ERBB4: variants seen among roughly 807,000 people sequenced by gnomAD.
The protein encoded by ERBB4 is receptor tyrosine-protein kinase erbB-4.
Under a neutral mutation model 158.0 loss-of-function variants are expected in ERBB4, and 42 were observed. The observed-to-expected ratio is 0.27, with a 90% CI of 0.21 to 0.34. The LOEUF is 0.34. Among genes scored for constraint, ERBB4 ranks in the 10% least tolerant of loss-of-function variants. The pLI is 1.00. For synonymous variants in ERBB4, 583 were observed against 558.7 expected, an observed-to-expected ratio of 1.04 and a Z score of -0.61; for missense variants, 1,333 against 1,624.1, an observed-to-expected ratio of 0.82 and a Z score of 3.08.
chr2:211,401,528 C>T (rs952646268), intron 25 of ERBB4, among the ~76,000 whole-genome samples: 1 of 151,926 alleles, frequency 6.6e-6, no homozygotes, highest in African/African-American at 2.4e-5. Context: ...TTTTTCCTTC[C>T]CTGTGATTGC....
chr2:212,256,776 G>C (rs767468204), intron 1 of ERBB4, among the ~76,000 whole-genome samples: 7 of 151,952 alleles, frequency 4.6e-5, no homozygotes, highest in Non-Finnish European at 8.8e-5. Context: ...TTTCTCAACT[G>C]GGTAAAATGA....
intron 1 of ERBB4, among the ~76,000 whole-genome samples, chr2:212,326,103 T>C (rs569783650): frequency 1.3e-5 from 2 of 150,538 alleles, no homozygotes; most frequent in Non-Finnish European, 1.5e-5. Flanking sequence ...GGACCCCAAA[T>C]TGGGATGCTT....
chr2:211,679,261 T>G, intron 12 of ERBB4, 77 bp from the exon 13 acceptor site: 1 of 1,524,410 alleles, frequency 6.6e-7, no homozygotes. Flanking sequence ...GTAATGCTAT[T>G]TCTAAAGGAG....
chr2:211,682,554 A>C (rs2072393497), intron 12 of ERBB4, among the ~76,000 whole-genome samples: 1 of 152,170 alleles, frequency 6.6e-6, no homozygotes, highest in Non-Finnish European at 1.5e-5. Context: ...ATGAACAATC[A>C]CAGGTACTAT....
intron 3 of ERBB4, among the ~76,000 whole-genome samples, chr2:211,866,957 TCTTCCTTCTGTCTTCTCC>T (rs2078222205): frequency 6.9e-6 from 1 of 145,968 alleles, no homozygotes; most frequent in South Asian, 2.2e-4. Flanking sequence ...TGGGGGAGCT[TCTTCCTTCTGTCTTCTCC>T]CTTCCTTCTT....
intron 3 of ERBB4, among the ~76,000 whole-genome samples, chr2:211,867,310 C>A (rs2078234860): frequency 6.6e-6 from 1 of 152,272 alleles, no homozygotes; most frequent in East Asian, 1.9e-4. Flanking sequence ...CTGAAACTCA[C>A]ATTCTCTCCG....
At chr2:211,678,727 G>C (rs2072203085) in intron 13 of ERBB4, among the ~76,000 whole-genome samples, 1 of 152,120 alleles carries the variant, frequency 6.6e-6, no homozygotes, top group Non-Finnish European at 1.5e-5. Flanking sequence ...AGCACTTTGG[G>C]AGGCCAAGGC....
At chr2:212,007,873 G>C (rs759464453) in intron 2 of ERBB4, among the ~76,000 whole-genome samples, 1 of 151,850 alleles carries the variant, frequency 6.6e-6, no homozygotes, top group African/African-American at 2.4e-5. Context: ...AAAAAGTCAA[G>C]GGTCTTCCTT....
chr2:211,682,091 C>CATACACAA (rs1439065161), intron 12 of ERBB4, among the ~76,000 whole-genome samples: 1 of 136,508 alleles, frequency 7.3e-6, no homozygotes, highest in East Asian at 2.5e-4. Flanking sequence ...CACACACACA[C>CATACACAA]AATTGGCTCA....
chr2:211,386,790 C>T (rs1418596663), intron 27 of ERBB4, 63 bp downstream of exon 27: 2 of 1,552,322 alleles, frequency 1.3e-6, no homozygotes, highest in African/African-American at 1.4e-5. Flanking sequence ...CTATTCTGTA[C>T]TTTGTTTATC....
intron 15 of ERBB4, among the ~76,000 whole-genome samples, chr2:211,661,197 G>T (rs2071410132): frequency 6.6e-6 from 1 of 152,064 alleles, no homozygotes; most frequent in South Asian, 2.1e-4. Context: ...GACTGAAGTG[G>T]CACCATTCTT....
chr2:211,779,426 T>TAA (rs1485576881), intron 4 of ERBB4: 5 of 152,228 alleles, frequency 3.3e-5, no homozygotes, highest in Non-Finnish European at 7.3e-5. Flanking sequence ...ATTCTCCTTA[T>TAA]TTTCAGGCTA....
chr2:212,531,090 G>T (rs1249365571), intron 1 of ERBB4, among the ~76,000 whole-genome samples: 1 of 152,068 alleles, frequency 6.6e-6, no homozygotes, highest in Non-Finnish European at 1.5e-5. Flanking sequence ...TACTTCTCAT[G>T]GGAGAGGCTT....
chr2:211,386,946 C>A lies in ERBB4; in HGVS notation c.3388G>T (p.Ala1130Ser), dbSNP rs2125318716. 1 of 1,614,140 alleles carries A rather than the reference C, an allele frequency of 6.2e-7. No individual in the cohort carries two copies. Among genetic ancestry groups the A allele is most frequent in the African/African-American group, 1.3e-5 (1 of 75,050 alleles). Residue 1130 changes from alanine (A) to serine (S), a missense_variant, in exon 27 of 28, where the codon GCT becomes TCT. Around this residue, in one of 5 missense-constraint regions of ERBB4, gnomAD observed 252 missense variants for 241.3 expected, o/e 1.04. Coordinates refer to ENST00000342788, the MANE Select transcript of ERBB4 (RefSeq NM_005235.3). ...QEDSSTQRYS[A>S]DPTVFAPERS... ...TCTGGGGCAAACACGGTGGGGTCAG[C>A]ACTGTACCTCTGGGTGCTACTGTCC... is the stretch of plus-strand genomic sequence containing the variant.
intron 13 of ERBB4, among the ~76,000 whole-genome samples, chr2:211,676,103 G>A (rs909204500): frequency 1.3e-5 from 2 of 152,058 alleles, no homozygotes. Flanking sequence ...CAACTAGGAA[G>A]CAATGAAGTT....
At chr2:212,128,994 T>G (rs1015316145) in intron 1 of ERBB4, among the ~76,000 whole-genome samples, 1 of 152,074 alleles carries the variant, frequency 6.6e-6, no homozygotes, top group Non-Finnish European at 1.5e-5. Context: ...CTTTATAAAC[T>G]AATAAAATGA....
chr2:211,456,848 G>A (rs571202439), intron 20 of ERBB4, among the ~76,000 whole-genome samples: 5 of 152,298 alleles, frequency 3.3e-5, no homozygotes, highest in Admixed American at 2.6e-4. Flanking sequence ...TCTGACAGGA[G>A]GTGGAGCGCA....
chr2:211,515,842 G>A (rs1368438913), intron 20 of ERBB4, among the ~76,000 whole-genome samples: 1 of 146,784 alleles, frequency 6.8e-6, no homozygotes, highest in African/African-American at 2.5e-5. Flanking sequence ...AAGTATAAGG[G>A]TATTTGCAGT....
intron 1 of ERBB4, among the ~76,000 whole-genome samples, chr2:212,279,337 T>C (rs1324047290): frequency 1.3e-5 from 2 of 151,582 alleles, no homozygotes; most frequent in Non-Finnish European, 3.0e-5. Context: ...TGGAATTCCA[T>C]AATGAAAATT....
Sources: gnomAD v4.1 joint callset for allele counts (sites outside exome capture counted in the v4.1 genomes callset) on GRCh38, gnomAD v4.1.1 for gene constraint, gnomAD v4.1.1 regional missense constraint, MANE v1.5 for transcripts, NCBI Gene and HGNC (gene_info 2026-07-23, HGNC 2026-07-21) for gene names.